Variants in NUGGC observed in about 807,000 individuals in gnomAD.
NUGGC encodes nuclear GTPase SLIP-GC.
In NUGGC, 58 loss-of-function variants were observed where a neutral mutation model predicts 92.6. The observed-to-expected ratio is 0.63, with a 90% CI of 0.51 to 0.78. NUGGC has a LOEUF of 0.78. NUGGC is among the 30% of genes least tolerant of loss of function. The pLI is 0.00. For synonymous variants in NUGGC, 376 were observed against 366.4 expected (o/e 1.03, Z -0.30); for missense variants, 925 against 964.6 (o/e 0.96, Z 0.54).
At chr8:28,026,880 A>C (rs899130866) in intron 18 of NUGGC, 82 bp downstream of exon 18, 9 of 958,010 alleles carry the variant, frequency 9.4e-6, no homozygotes, top group Non-Finnish European at 1.5e-5. Flanking sequence ...TTAAAGTTTA[A>C]TACCTTTAAA....
At chr8:28,051,933 ACAAAAACAAAAACAAAC>A (rs1810015835) in intron 10 of NUGGC, among the ~76,000 whole-genome samples, 1 of 151,786 alleles carries the variant, frequency 6.6e-6, no homozygotes. Context: ...ACAAAACAAA[ACAAAAACAAAAACAAAC>A]AAAAAAAACC....
chr8:28,082,472 G>A (rs768833510), intron 1 of NUGGC, among the ~76,000 whole-genome samples: 11 of 152,216 alleles, frequency 7.2e-5, no homozygotes, highest in Admixed American at 3.9e-4. Flanking sequence ...ACACCTGCCA[G>A]CAATTTCTGC....
chr8:28,063,318 A>G (rs1450733381), intron 7 of NUGGC, among the ~76,000 whole-genome samples: 1 of 152,198 alleles, frequency 6.6e-6, no homozygotes, highest in Non-Finnish European at 1.5e-5. Context: ...GCCGTCTTTG[A>G]TAAGCTGCCC....
chr8:28,033,795 A>G, intron 13 of NUGGC, 98 bp from the exon 14 acceptor site: 1 of 1,031,452 alleles, frequency 9.7e-7, no homozygotes, highest in African/African-American at 1.6e-5. Context: ...ACCAAGAATC[A>G]CAGGAAAGTG....
Position 28,030,401 on chromosome 8 carries a change from C to T in NUGGC, c.1926G>A (p.Gly642=). 6.4e-7 allele frequency: 1 copy of T among 1,570,124 alleles called. No individual in the cohort carries two copies. Among genetic ancestry groups the T allele is most frequent in the Non-Finnish European group, 8.7e-7 (1 of 1,154,938 alleles). ...TTCTGAGGATGTGGTCCTCCAGGCC[C>T]CCGAGGATGGCACTTATCTGGGAAG... The part of the protein sequence containing the change: ...FLIQEISAIL[G]GLEDHILRRK... The change falls in exon 16 of 19, where the codon GGG becomes GGA. Residue 642 remains glycine (G), a synonymous_variant. Transcript: ENST00000413272.
chr8:28,081,500 A>T (rs1355882528), intron 1 of NUGGC, among the ~76,000 whole-genome samples: 2 of 152,184 alleles, frequency 1.3e-5, no homozygotes, highest in Non-Finnish European at 2.9e-5. Context: ...TTTGGGGAAC[A>T]GATGCCACCT....
chr8:28,078,540 T>C (rs1185949844), intron 1 of NUGGC, among the ~76,000 whole-genome samples: 1 of 152,122 alleles, frequency 6.6e-6, no homozygotes, highest in African/African-American at 2.4e-5. Context: ...TTAAGACAAG[T>C]CGTTTTATCA....
At chr8:28,026,602 C>G (rs1809266924) in intron 18 of NUGGC, among the ~76,000 whole-genome samples, 2 of 152,322 alleles carry the variant, frequency 1.3e-5, no homozygotes. Flanking sequence ...GGACCTTGGG[C>G]ACATTTCCTA....
At chr8:28,035,877 A>G (rs982812259) in intron 13 of NUGGC, among the ~76,000 whole-genome samples, 3 of 152,192 alleles carry the variant, frequency 2.0e-5, no homozygotes, top group African/African-American at 7.2e-5. Context: ...ATTCGTCTTA[A>G]CGAACTTTAT....
In NUGGC at chr8:28,023,339, C is replaced by A; in HGVS notation, c.2369G>T (p.Gly790Val). The part of the protein sequence containing the change: ...FLLRASPSKA[G>V]PPGTSL ...GAGTTACAGTGATGTCCCGGGGGGG[C>A]CAGCCTTGCTGGGGGATGCCCTTAG... Residue 790 changes from glycine to valine, a missense_variant, in exon 19 of 19, where the codon GGC becomes GTC. Transcript: ENST00000413272. 1 of 1,613,542 alleles carries A rather than the reference C, an allele frequency of 6.2e-7. No homozygotes were observed. Among genetic ancestry groups the A allele is most frequent in the Non-Finnish European group, 8.5e-7 (1 of 1,179,690 alleles).
intron 8 of NUGGC, chr8:28,060,155 A>G: frequency 1.7e-6 from 1 of 580,100 alleles, no homozygotes; most frequent in Middle Eastern, 2.7e-4. Flanking sequence ...CACCATCTGC[A>G]TCTGGTACAT....
At chr8:28,069,288 G>C (rs1021756724) in intron 4 of NUGGC, among the ~76,000 whole-genome samples, 3 of 152,148 alleles carry the variant, frequency 2.0e-5, no homozygotes, top group African/African-American at 7.2e-5. Context: ...CAGTAAAATG[G>C]AAGTGATCAT....
chr8:28,077,121 C>A (rs1473905111), intron 1 of NUGGC, among the ~76,000 whole-genome samples: 2 of 151,952 alleles, frequency 1.3e-5, no homozygotes, highest in African/African-American at 2.4e-5. Flanking sequence ...CCTATGAGGT[C>A]ACCAAATTTC....
intron 13 of NUGGC, among the ~76,000 whole-genome samples, chr8:28,037,128 A>G (rs994102590): frequency 1.3e-5 from 2 of 152,176 alleles, no homozygotes; most frequent in Admixed American, 6.6e-5. Flanking sequence ...CCACTCGCTC[A>G]CCAACTCCCC....
chr8:28,069,194 A>T (rs1450492879), intron 4 of NUGGC, among the ~76,000 whole-genome samples: 7 of 152,178 alleles, frequency 4.6e-5, no homozygotes, highest in Non-Finnish European at 1.0e-4. Flanking sequence ...GCTCAGAGTC[A>T]CACAGCCTGG....
At chr8:28,074,099 T>A (rs906901116) in intron 2 of NUGGC, among the ~76,000 whole-genome samples, 5 of 150,154 alleles carry the variant, frequency 3.3e-5, no homozygotes, top group African/African-American at 1.2e-4. Flanking sequence ...ATGCCCAGCC[T>A]GGAACTTTTT....
intron 6 of NUGGC, among the ~76,000 whole-genome samples, chr8:28,066,004 T>TCA (rs777173202): frequency 6.6e-6 from 1 of 151,486 alleles, no homozygotes; most frequent in African/African-American, 2.4e-5. Flanking sequence ...TAGAAGGCCT[T>TCA]GATTCTAGGA....
intron 13 of NUGGC, among the ~76,000 whole-genome samples, chr8:28,039,610 G>C (rs149160361): frequency 5.4e-4 from 82 of 152,194 alleles, no homozygotes; most frequent in African/African-American, 1.9e-3. Context: ...CTAGAAAGCC[G>C]GTATCATCGG....
chr8:28,062,211 C>T (rs746985780), intron 7 of NUGGC, among the ~76,000 whole-genome samples: 6 of 152,120 alleles, frequency 3.9e-5, no homozygotes, highest in Admixed American at 1.3e-4. Flanking sequence ...CAAGTAGGGC[C>T]ACACGACGAT....
Sources: gnomAD v4.1 joint callset for allele counts (sites outside exome capture counted in the v4.1 genomes callset) on GRCh38, gnomAD v4.1.1 for gene constraint, MANE v1.5 for transcripts, NCBI Gene and HGNC (gene_info 2026-07-23, HGNC 2026-07-21) for gene names.